SLCO5A1: variants seen among roughly 807,000 people sequenced by gnomAD.
SLCO5A1 encodes the protein organic anion transporter polypeptide-related protein 4.
SLCO5A1 carries 39 observed loss-of-function variants against 65.1 expected under a neutral mutation model. That is an observed-to-expected ratio of 0.60 (90% CI 0.46 to 0.78). The LOEUF is 0.78. Among genes scored for constraint, SLCO5A1 ranks in the 30% least tolerant of loss-of-function variants. SLCO5A1 has a pLI of 0.00. For missense variants in SLCO5A1, 1,029 were observed against 1,069.4 expected (o/e 0.96, Z 0.53); for synonymous variants, 438 against 415.7 (o/e 1.05, Z -0.65).
At chr8:69,674,303 G>C (rs1813460169) in intron 9 of SLCO5A1, among the ~76,000 whole-genome samples, 1 of 152,178 alleles carries the variant, frequency 6.6e-6, no homozygotes, top group Non-Finnish European at 1.5e-5. Context: ...ATAGCAATGG[G>C]AGGGAGGAGG....
At chr8:69,818,376 G>C (rs778534768) in intron 2 of SLCO5A1, among the ~76,000 whole-genome samples, 2 of 152,134 alleles carry the variant, frequency 1.3e-5, no homozygotes, top group African/African-American at 4.8e-5. Context: ...ACTCCCCTGG[G>C]AGCATATTAG....
chr8:69,748,204 G>A (rs970435940), intron 4 of SLCO5A1, among the ~76,000 whole-genome samples: 1 of 152,126 alleles, frequency 6.6e-6, no homozygotes, highest in Admixed American at 6.5e-5. Context: ...ACTTGCCTAC[G>A]ACAAGGGGGT....
intron 2 of SLCO5A1, among the ~76,000 whole-genome samples, chr8:69,803,308 T>C (rs1819838928): frequency 6.6e-6 from 1 of 152,100 alleles, no homozygotes; most frequent in African/African-American, 2.4e-5. Flanking sequence ...TCCCAACTAC[T>C]CAGGAGGCTG....
At chr8:69,683,906 C>T (rs926378282) in intron 6 of SLCO5A1, among the ~76,000 whole-genome samples, 1 of 152,162 alleles carries the variant, frequency 6.6e-6, no homozygotes, top group African/African-American at 2.4e-5. Flanking sequence ...TATACAGTAG[C>T]ATAGCCCATC....
intron 2 of SLCO5A1, among the ~76,000 whole-genome samples, chr8:69,809,661 T>G (rs571870603): frequency 1.6e-4 from 25 of 152,154 alleles, no homozygotes; most frequent in East Asian, 9.6e-4. Context: ...ACTTTATTAT[T>G]ATTATGATTA....
intron 2 of SLCO5A1, among the ~76,000 whole-genome samples, chr8:69,804,533 C>T (rs1181918039): frequency 1.3e-5 from 2 of 152,142 alleles, no homozygotes; most frequent in African/African-American, 4.8e-5. Context: ...CCAGGCTGTT[C>T]TCAAACTCCT....
At chr8:69,726,013 C>T (rs16936377) in intron 5 of SLCO5A1, among the ~76,000 whole-genome samples, 4,627 of 152,208 alleles carry the variant, frequency 0.03, 247 homozygotes, top group African/African-American at 0.1. Context: ...TGGAGAGCAC[C>T]GAGGTGAATG....
chr8:69,706,238 C>G (rs1031193934), intron 5 of SLCO5A1, among the ~76,000 whole-genome samples: 1 of 152,172 alleles, frequency 6.6e-6, no homozygotes, highest in African/African-American at 2.4e-5. Context: ...TAAAACTAAA[C>G]AGCATTGTCT....
At chr8:69,799,948 T>C (rs1272231953) in intron 2 of SLCO5A1, among the ~76,000 whole-genome samples, 1 of 152,180 alleles carries the variant, frequency 6.6e-6, no homozygotes, top group African/African-American at 2.4e-5. Context: ...TACTATGGAT[T>C]TCATTTTTTA....
chr8:69,700,140 C>A (rs1227532389), intron 6 of SLCO5A1: 2 of 152,114 alleles, frequency 1.3e-5, no homozygotes, highest in African/African-American at 4.8e-5. Flanking sequence ...CAACAGAGGA[C>A]TTAGAAGATA....
intron 3 of SLCO5A1, 145 bp downstream of exon 3, chr8:69,761,598 G>T (rs1366106770): frequency 9.1e-6 from 7 of 768,122 alleles, no homozygotes; most frequent in Non-Finnish European, 1.4e-5. Flanking sequence ...TCTTTGGGAT[G>T]TTATTAACCT....
In SLCO5A1 at chr8:69,679,540, A is replaced by T. The variant is rs763413147; in HGVS notation, c.1862T>A (p.Leu621His). The change falls in exon 8 of 10, where the codon CTC (leucine) becomes CAC (histidine). Residue 621 changes from leucine to histidine, a missense_variant. Transcript: ENST00000260126. ...ATAAGTCTTGACAATAACCACACGG[A>T]GCTGACTTCGCTGTCCCACGGTGGG... ...TPPTVGQRSQ[L>H]RVVIVKTYLN... 1.9e-6 allele frequency: 3 copies of T among 1,614,214 alleles called. No homozygotes were observed. In the South Asian group the frequency reaches 3.3e-5, roughly 18 times the overall value.
intron 5 of SLCO5A1, among the ~76,000 whole-genome samples, chr8:69,712,704 T>G (rs929453206): frequency 1.3e-5 from 2 of 152,264 alleles, no homozygotes; most frequent in Non-Finnish European, 2.9e-5. Context: ...CTTTCTGTTA[T>G]CTTTCTTTAA....
intron 6 of SLCO5A1, among the ~76,000 whole-genome samples, chr8:69,683,605 C>T (rs951329607): frequency 2.0e-5 from 3 of 151,510 alleles, no homozygotes. Flanking sequence ...CTCTGTCGCC[C>T]AGGCTGGAGT....
intron 2 of SLCO5A1, among the ~76,000 whole-genome samples, chr8:69,768,417 T>C (rs922248264): frequency 6.6e-6 from 1 of 152,210 alleles, no homozygotes; most frequent in African/African-American, 2.4e-5. Context: ...CACTTGCCCA[T>C]AGTCACAGAC....
At chr8:69,707,703 T>G (rs1430272603) in intron 5 of SLCO5A1, among the ~76,000 whole-genome samples, 1 of 152,082 alleles carries the variant, frequency 6.6e-6, no homozygotes, top group East Asian at 1.9e-4. Context: ...GTCAGAGAAG[T>G]GGTCAGGAGG....
intron 2 of SLCO5A1, among the ~76,000 whole-genome samples, chr8:69,777,954 T>C (rs1309676618): frequency 6.6e-6 from 1 of 152,168 alleles, no homozygotes; most frequent in Non-Finnish European, 1.5e-5. Flanking sequence ...ACAAGAAGGG[T>C]GAGCACAGTA....
intron 2 of SLCO5A1, among the ~76,000 whole-genome samples, chr8:69,799,152 G>C (rs576717953): frequency 6.6e-6 from 1 of 152,164 alleles, no homozygotes; most frequent in Non-Finnish European, 1.5e-5. Flanking sequence ...ATAATAACCT[G>C]TTTCAAGTCT....
At chr8:69,824,738 A>C (rs1035897757) in intron 2 of SLCO5A1, among the ~76,000 whole-genome samples, 1 of 152,230 alleles carries the variant, frequency 6.6e-6, no homozygotes, top group Non-Finnish European at 1.5e-5. Context: ...AACTCTTCCA[A>C]TCAATAGAAA....
Sources: gnomAD v4.1 joint callset for allele counts (sites outside exome capture counted in the v4.1 genomes callset) on GRCh38, gnomAD v4.1.1 for gene constraint, MANE v1.5 for transcripts, NCBI Gene and HGNC (gene_info 2026-07-23, HGNC 2026-07-21) for gene names.